The following PDE1C variants were observed in gnomAD, a reference collection of about 807,000 sequenced individuals.
PDE1C encodes phosphodiesterase 1C, also known as dual specificity calcium/calmodulin-dependent 3',5'-cyclic nucleotide phosphodiesterase 1C.
PDE1C carries 62 observed loss-of-function variants against 93.1 expected under a neutral mutation model. The ratio of observed to expected loss-of-function variants is 0.67; its 90% CI spans 0.54 to 0.82. The LOEUF is 0.82. PDE1C is among the 40% of genes least tolerant of loss of function. The pLI, the probability that PDE1C is intolerant of heterozygous loss-of-function variation, is 0.00. For synonymous variants in PDE1C, 325 were observed against 310.1 expected, an observed-to-expected ratio of 1.05 and a Z score of -0.50; for missense variants, 742 against 884.6, an observed-to-expected ratio of 0.84 and a Z score of 2.04.
chr7:32,071,070 G>A (rs1412475681), upstream of PDE1C: 4 of 985,400 alleles, frequency 4.1e-6, no homozygotes, highest in Non-Finnish European at 4.8e-6. Context: ...CCGCGGGCGC[G>A]GAGGGAGGGG....
intron 2 of PDE1C, among the ~76,000 whole-genome samples, chr7:31,931,177 C>G (rs149549895): frequency 1.7e-3 from 259 of 152,222 alleles, no homozygotes; most frequent in African/African-American, 6.1e-3. Context: ...AAAACTGGCA[C>G]AAGACAAGGA....
intron 6 of PDE1C, among the ~76,000 whole-genome samples, chr7:31,866,964 TC>T (rs1275952569): frequency 6.6e-6 from 1 of 151,772 alleles, no homozygotes; most frequent in Non-Finnish European, 1.5e-5. Flanking sequence ...TCATGCTGGG[TC>T]CCACACATCC....
chr7:32,376,959 T>C lies in PDE1C; in HGVS notation c.310+50863A>G, dbSNP rs190290335. 2.6e-5 allele frequency among the ~76,000 whole-genome samples: 4 copies of C among 152,230 alleles called. No individual in the cohort carries two copies. In the East Asian group the frequency reaches 7.7e-4, roughly 29 times the overall value. On this transcript the variant is annotated intron_variant, in intron 1 of 1. Coordinates refer to the PDE1C transcript ENST00000672256. Reference sequence around the variant, plus strand: ...GCCTCGGCCTCCCACAGTGCTGCGATTACAGGTGTGAGCCACAGCGCTCGG... The same window carrying C: ...GCCTCGGCCTCCCACAGTGCTGCGACTACAGGTGTGAGCCACAGCGCTCGG...
At chr7:32,270,975 A>T (rs1312650691) in intron 1 of PDE1C, among the ~76,000 whole-genome samples, 1 of 147,742 alleles carries the variant, frequency 6.8e-6, no homozygotes, top group East Asian at 2.0e-4. Flanking sequence ...TACTAAAAAA[A>T]GAAAAAAAAA....
chr7:31,999,549 C>G (rs966749711), intron 2 of PDE1C, among the ~76,000 whole-genome samples: 2 of 152,180 alleles, frequency 1.3e-5, no homozygotes, highest in Admixed American at 6.5e-5. Context: ...ACTTCACACT[C>G]AGCTTCAAGA....
At position 32,422,492 on chromosome 7, in the gene PDE1C, C is replaced by T. The variant is rs552249747; in HGVS notation, c.310+5330G>A. Among the ~76,000 whole-genome samples the T allele has an allele frequency of 1.1e-4, 15 of 138,652 alleles. No individual in the cohort carries two copies. In the South Asian group the frequency reaches 4.0e-3, roughly 37 times the overall value. The allele number at this position is 138,652 out of a possible 152,430, so 91.0% of individuals were successfully genotyped here. On this transcript the variant is annotated intron_variant, in intron 1 of 1. Coordinates refer to the PDE1C transcript ENST00000672256. ...TTCAACCCTTTCCCCCCCACCTGGC[C>T]TCCCCCCTCAGCTAGTCCCCAGTGT...
At chr7:32,412,087 T>C (rs1353874517) in intron 1 of PDE1C, among the ~76,000 whole-genome samples, 1 of 152,148 alleles carries the variant, frequency 6.6e-6, no homozygotes, top group Non-Finnish European at 1.5e-5. Flanking sequence ...CTGAAGGACC[T>C]GCTTGAGGCT....
chr7:32,161,588 CAAAGGAAGGAA>C (rs375737202), intron 3 of PDE1C, among the ~76,000 whole-genome samples: 114,923 of 152,044 alleles, frequency 0.76, 43,552 homozygotes, highest in Middle Eastern at 0.89. Context: ...ACACTTCCTT[CAAAGGAAGGAA>C]CTTCCTTTGT....
the PDE1C span, chr7:31,686,607 T>C: frequency 6.6e-6 from 1 of 152,198 alleles, no homozygotes; most frequent in African/African-American, 2.4e-5. Flanking sequence ...CTTCACCATG[T>C]GGGGAGACCT....
intron 2 of PDE1C, among the ~76,000 whole-genome samples, chr7:31,915,193 G>C (rs576605557): frequency 6.6e-6 from 1 of 152,274 alleles, no homozygotes; most frequent in South Asian, 2.1e-4. Flanking sequence ...TGGGCCATGA[G>C]TCTGTATCCT....
At chr7:31,858,660 TCA>T (rs1263498079) in intron 7 of PDE1C, among the ~76,000 whole-genome samples, 1 of 152,128 alleles carries the variant, frequency 6.6e-6, no homozygotes, top group African/African-American at 2.4e-5. Context: ...TAAAAGGCAA[TCA>T]CAAGTTTTGA....
chr7:31,808,668 G>T (rs981693798), intron 16 of PDE1C, among the ~76,000 whole-genome samples: 8 of 152,006 alleles, frequency 5.3e-5, no homozygotes, highest in African/African-American at 9.6e-5. Flanking sequence ...TATTTATGCT[G>T]CATGATTCCC....
chr7:32,095,294 C>A (rs17160887), intron 3 of PDE1C, among the ~76,000 whole-genome samples: 1,723 of 152,320 alleles, frequency 0.011, 27 homozygotes, highest in African/African-American at 0.039. Context: ...GGGGCAGACC[C>A]TTGTCAGAGG....
chr7:31,712,021 C>T, the PDE1C span, among the ~76,000 whole-genome samples: 1 of 152,332 alleles, frequency 6.6e-6, no homozygotes, highest in South Asian at 2.1e-4. Context: ...CAGCAAAGTG[C>T]CACTTTCTCG....
chr7:31,619,227 G>C, the PDE1C span, among the ~76,000 whole-genome samples: 3 of 152,030 alleles, frequency 2.0e-5, no homozygotes, highest in Non-Finnish European at 4.4e-5. Flanking sequence ...TCACATTTTT[G>C]TCATAGTAAA....
the PDE1C span, among the ~76,000 whole-genome samples, chr7:31,624,353 G>A: frequency 2.4e-3 from 359 of 147,052 alleles, 1 homozygote; most frequent in African/African-American, 7.6e-3. Context: ...GAGGCATCAC[G>A]CTACCTGACT....
chr7:32,340,024 T>C (rs776000795), intron 1 of PDE1C, among the ~76,000 whole-genome samples: 1 of 151,838 alleles, frequency 6.6e-6, no homozygotes, highest in Admixed American at 6.6e-5. Flanking sequence ...GCAAGGACCA[T>C]AGAGGAAAGA....
intron 3 of PDE1C, among the ~76,000 whole-genome samples, chr7:32,144,124 G>T (rs1263979700): frequency 6.6e-6 from 1 of 152,106 alleles, no homozygotes; most frequent in African/African-American, 2.4e-5. Flanking sequence ...GATTTGAGGT[G>T]ACAGAAAAGG....
rs553951534 is a variant in PDE1C, at chr7:31,913,926, C to T, written c.129-33066G>A. Reference sequence around the variant, plus strand: ...AATCTCCCTTCAGCTTGCTACCTTCCGCCCACATCTCAGGGTTGTATGCCA... The same window carrying T: ...AATCTCCCTTCAGCTTGCTACCTTCTGCCCACATCTCAGGGTTGTATGCCA... On this transcript the variant is annotated intron_variant, in intron 2 of 17. Transcript: ENST00000396191. 1.8e-3 allele frequency among the ~76,000 whole-genome samples: 278 copies of T among 152,216 alleles called. 1 individual carries two copies. Among genetic ancestry groups the T allele is most frequent in the Non-Finnish European group, 2.9e-3 (196 of 68,024 alleles).
Sources: allele counts gnomAD v4.1 joint callset (sites outside exome capture counted in the v4.1 genomes callset), GRCh38; gene constraint gnomAD v4.1.1; transcripts MANE v1.5; gene names NCBI Gene and HGNC (gene_info 2026-07-23, HGNC 2026-07-21).